The following CTDSPL variants were observed in gnomAD, a reference collection of about 807,000 sequenced individuals.
CTDSPL encodes the protein CTD small phosphatase-like protein.
A neutral mutation model predicts 30.5 loss-of-function variants in CTDSPL; 8 were observed. The observed-to-expected ratio is 0.26, with a 90% CI of 0.15 to 0.47. The LOEUF (loss-of-function observed/expected upper bound fraction) is 0.47. Ranked by LOEUF, CTDSPL falls within the 20% of genes least tolerant of loss-of-function variation. The probability of loss-of-function intolerance (pLI) is 0.99; values close to 1 mark genes in which losing one functional copy is unlikely to be tolerated. For missense variants in CTDSPL, 248 were observed against 366.1 expected (o/e 0.68, Z 2.63); for synonymous variants, 110 against 137.9 (o/e 0.80, Z 1.42).
intron 1 of CTDSPL, among the ~76,000 whole-genome samples, chr3:37,894,383 A>G (rs1383453302): frequency 6.6e-6 from 1 of 152,088 alleles, no homozygotes; most frequent in Non-Finnish European, 1.5e-5. Flanking sequence ...CTGGGATTAC[A>G]GGCGTGAACC....
chr3:37,884,685 T>G (rs1389365010), intron 1 of CTDSPL, among the ~76,000 whole-genome samples: 1 of 152,110 alleles, frequency 6.6e-6, no homozygotes, highest in Non-Finnish European at 1.5e-5. Flanking sequence ...TAGGAGGGCC[T>G]GTACTCAGAC....
chr3:37,910,341 C>T (rs1260474135), intron 1 of CTDSPL, among the ~76,000 whole-genome samples: 2 of 152,074 alleles, frequency 1.3e-5, no homozygotes, highest in African/African-American at 4.8e-5. Context: ...ATCAGCCGGG[C>T]ATGGTAGTGG....
At chr3:37,949,724 AACCACATGTG>A (rs1467074485) in intron 2 of CTDSPL, among the ~76,000 whole-genome samples, 1 of 152,244 alleles carries the variant, frequency 6.6e-6, no homozygotes, top group African/African-American at 2.4e-5. Context: ...ATTATTTTAA[AACCACATGTG>A]GATGTATAGA....
At chr3:37,867,113 A>G (rs1698019191) in intron 1 of CTDSPL, among the ~76,000 whole-genome samples, 1 of 151,706 alleles carries the variant, frequency 6.6e-6, no homozygotes, top group African/African-American at 2.4e-5. Flanking sequence ...CTTCCCTCCC[A>G]TGCCCACCCT....
At chr3:37,957,703 C>T (rs2125627365) in intron 3 of CTDSPL, among the ~76,000 whole-genome samples, 1 of 152,302 alleles carries the variant, frequency 6.6e-6, no homozygotes, top group East Asian at 1.9e-4. Flanking sequence ...GCCACTCTGC[C>T]CCAGCTGGGC....
chr3:37,868,024 A>T (rs1698032273), intron 1 of CTDSPL, among the ~76,000 whole-genome samples: 1 of 152,136 alleles, frequency 6.6e-6, no homozygotes, highest in Non-Finnish European at 1.5e-5. Context: ...GATATTTTAT[A>T]TGCATAGAAT....
chr3:37,955,716 G>T (rs1699163565), intron 2 of CTDSPL, among the ~76,000 whole-genome samples: 1 of 152,150 alleles, frequency 6.6e-6, no homozygotes, highest in South Asian at 2.1e-4. Flanking sequence ...GGAGGGTGAG[G>T]ATGAAAAGAC....
chr3:37,941,745 A>C (rs1337538333), intron 1 of CTDSPL, among the ~76,000 whole-genome samples: 1 of 150,194 alleles, frequency 6.7e-6, no homozygotes, highest in Non-Finnish European at 1.5e-5. Context: ...CCTTCAAAGC[A>C]GGCCTGCCCC....
chr3:37,916,633 G>A (rs1384780644), intron 1 of CTDSPL, among the ~76,000 whole-genome samples: 2 of 152,128 alleles, frequency 1.3e-5, no homozygotes, highest in Non-Finnish European at 2.9e-5. Flanking sequence ...ACCAGAGACC[G>A]GGAGAGGCAA....
chr3:37,966,397 A>G (rs2125631376), intron 4 of CTDSPL, among the ~76,000 whole-genome samples: 1 of 152,342 alleles, frequency 6.6e-6, no homozygotes, highest in East Asian at 1.9e-4. Context: ...TCCCAAGTGA[A>G]GAACCCTAGC....
At chr3:37,889,520 C>T (rs1165696871) in intron 1 of CTDSPL, among the ~76,000 whole-genome samples, 2 of 152,020 alleles carry the variant, frequency 1.3e-5, no homozygotes, top group African/African-American at 4.8e-5. Context: ...ATGGCACATC[C>T]AGGAGGTTCA....
intron 1 of CTDSPL, among the ~76,000 whole-genome samples, chr3:37,932,420 C>A (rs1043678499): frequency 6.6e-5 from 10 of 152,074 alleles, no homozygotes; most frequent in Non-Finnish European, 1.2e-4. Flanking sequence ...GACAACAGTT[C>A]CAACATACAG....
At chr3:37,927,191 C>T (rs1470726507) in intron 1 of CTDSPL, among the ~76,000 whole-genome samples, 1 of 151,956 alleles carries the variant, frequency 6.6e-6, no homozygotes, top group African/African-American at 2.4e-5. Flanking sequence ...TAAAAATGGG[C>T]AAAGGGCTTG....
chr3:37,894,252 T>TA (rs1248924962), intron 1 of CTDSPL, among the ~76,000 whole-genome samples: 2 of 151,566 alleles, frequency 1.3e-5, no homozygotes, highest in Non-Finnish European at 2.9e-5. Context: ...CAGCTAACTT[T>TA]AAAAAAAGTT....
rs374075430 is a variant in CTDSPL at position 37,931,003 on chromosome 3, C to CT, written c.80-16046dup. Among the ~76,000 whole-genome samples the CT allele has an allele frequency of 4.4e-3, 675 of 152,038 alleles. 4 individuals are homozygous for CT. Among genetic ancestry groups the CT allele is most frequent in the African/African-American group, 0.015 (643 of 41,490 alleles). On this transcript the variant is annotated intron_variant, in intron 1 of 7. Transcript: ENST00000273179. Reference sequence around the variant, plus strand: ...ATATAAGTATGGCTACTTTTGCTCTCTTTTTTTTCCGTTTACATGGAATAT... The same window carrying CT: ...ATATAAGTATGGCTACTTTTGCTCTCTTTTTTTTTCCGTTTACATGGAATAT...
intron 1 of CTDSPL, among the ~76,000 whole-genome samples, chr3:37,916,458 A>G (rs1039187416): frequency 2.0e-5 from 3 of 152,218 alleles, no homozygotes; most frequent in African/African-American, 7.2e-5. Context: ...TAAGTAGTTA[A>G]GGTAAGGTCG....
At chr3:37,924,112 G>C (rs558512371) in intron 1 of CTDSPL, among the ~76,000 whole-genome samples, 1 of 152,322 alleles carries the variant, frequency 6.6e-6, no homozygotes, top group South Asian at 2.1e-4. Flanking sequence ...CATTCAACCC[G>C]GTCCAAGGTG....
intron 1 of CTDSPL, among the ~76,000 whole-genome samples, chr3:37,873,104 G>A (rs1008603691): frequency 6.6e-6 from 1 of 152,164 alleles, no homozygotes; most frequent in Non-Finnish European, 1.5e-5. Flanking sequence ...GGGAGAAGAG[G>A]GAGCTCATTA....
At chr3:37,868,141 G>A (rs114717983) in intron 1 of CTDSPL, among the ~76,000 whole-genome samples, 182 of 151,890 alleles carry the variant, frequency 1.2e-3, no homozygotes, top group African/African-American at 4.2e-3. Flanking sequence ...AGCTTATTAC[G>A]GTTTTAATTT....
Sources: gnomAD v4.1 joint callset for allele counts (sites outside exome capture counted in the v4.1 genomes callset) on GRCh38, gnomAD v4.1.1 for gene constraint, MANE v1.5 for transcripts, NCBI Gene and HGNC (gene_info 2026-07-23, HGNC 2026-07-21) for gene names.